Variants in SCGB1D1 observed in about 807,000 individuals in gnomAD.
The protein encoded by SCGB1D1 is lipophilin A (uteroglobin family member).
Under a neutral mutation model 8.3 loss-of-function variants are expected in SCGB1D1, and 10 were observed. The observed-to-expected ratio is 1.21, with a 90% CI of 0.74 to 2.05. The LOEUF is 2.05. Among genes scored for constraint, SCGB1D1 ranks in the 30% most tolerant of loss-of-function variants. The pLI is 0.00. For synonymous variants in SCGB1D1, 46 were observed against 41.7 expected (o/e 1.10, Z -0.39); for missense variants, 94 against 105.1 (o/e 0.89, Z 0.46).
At chr11:62,193,294 A>G (rs1437701254) in intron 2 of SCGB1D1, 105 bp from the exon 3 acceptor site, 3 of 1,078,164 alleles carry the variant, frequency 2.8e-6, no homozygotes, top group African/African-American at 3.2e-5. Flanking sequence ...CTACCCTTCA[A>G]TTGTCTTTGG....
In SCGB1D1 at chr11:62,192,241, T is replaced by C. The variant is rs1240245671; in HGVS notation, c.241T>C (p.Leu81=). 4 of 1,600,898 alleles carry C rather than the reference T, an allele frequency of 2.5e-6. No individual in the cohort carries two copies. The highest frequency in any genetic ancestry group is 2.2e-5 in the South Asian group (2 of 90,492). ...GAAAAGAGTGCTAATTACAAAAACA[T>C]TGGTAATTTCTGTCTCTTTCATGTG... ...YEKRVLITKT[L]GKIAEKCDR is the part of the protein sequence containing the mutation. Residue 81 remains leucine (L), a splice_region_variant and synonymous_variant, in exon 2 of 3, where the codon TTG becomes CTG. Coordinates refer to ENST00000306238, the MANE Select transcript of SCGB1D1 (RefSeq NM_006552.2).
In SCGB1D1 at chr11:62,190,337, G is replaced by A. The variant is rs61999260; in HGVS notation, c.53G>A (p.Arg18Gln). The A allele has an allele frequency of 2.0e-3, 3,256 of 1,614,160 alleles. 6 individuals carry two copies. The highest frequency in any genetic ancestry group is 2.5e-3 in the Non-Finnish European group (2,929 of 1,180,016). Residue 18 changes from arginine to glutamine, a missense_variant and splice_region_variant, in exon 1 of 3, where the codon CGG (arginine) becomes CAG (glutamine). Transcript: ENST00000306238. The stretch of plus-strand genomic sequence containing the variant: ...CTCACGCTGGCCCTTTGCTGCTACC[G>A]GGGTGAGTACATCAGTCATGAGTCC... ...LLLTLALCCY[R>Q]ANAVVCQALG...
chr11:62,193,090 GTC>G (rs560010774), intron 2 of SCGB1D1, among the ~76,000 whole-genome samples: 1 of 152,306 alleles, frequency 6.6e-6, no homozygotes, highest in South Asian at 2.1e-4. Flanking sequence ...TCAGCACTGG[GTC>G]TTTCATTGCG....
chr11:62,190,431 G>A, intron 1 of SCGB1D1, 92 bp downstream of exon 1: 1 of 1,513,416 alleles, frequency 6.6e-7, no homozygotes, highest in South Asian at 1.1e-5. Flanking sequence ...GTTGGGGTCT[G>A]GAACAAACCA....
intron 2 of SCGB1D1, among the ~76,000 whole-genome samples, chr11:62,192,939 G>A (rs1279570733): frequency 1.3e-5 from 2 of 152,214 alleles, no homozygotes; most frequent in Admixed American, 1.3e-4. Flanking sequence ...TTGCTGTCCT[G>A]AGGTTTAGCT....
intron 1 of SCGB1D1, among the ~76,000 whole-genome samples, chr11:62,190,554 C>T (rs542378571): frequency 6.6e-6 from 1 of 152,124 alleles, no homozygotes; most frequent in African/African-American, 2.4e-5. Context: ...TGCAGGCGAA[C>T]GTTAGGAATT....
chr11:62,193,235 C>G (rs1018954513), intron 2 of SCGB1D1, among the ~76,000 whole-genome samples, 164 bp from the exon 3 acceptor site: 1 of 152,144 alleles, frequency 6.6e-6, no homozygotes, highest in African/African-American at 2.4e-5. Context: ...CAAGGAAAGG[C>G]TGGTCTAGGT....
At chr11:62,193,170 C>G (rs1056805269) in intron 2 of SCGB1D1, among the ~76,000 whole-genome samples, 6 of 152,188 alleles carry the variant, frequency 3.9e-5, no homozygotes, top group South Asian at 2.1e-4. Context: ...CTCTGTCCCC[C>G]CTCTATGAGG....
chr11:62,193,234 G>A (rs1339342829), intron 2 of SCGB1D1, among the ~76,000 whole-genome samples, 165 bp from the exon 3 acceptor site: 1 of 152,148 alleles, frequency 6.6e-6, no homozygotes, highest in Non-Finnish European at 1.5e-5. Flanking sequence ...GCAAGGAAAG[G>A]CTGGTCTAGG....
chr11:62,191,173 C>T (rs1459352127), intron 1 of SCGB1D1, among the ~76,000 whole-genome samples: 6 of 152,160 alleles, frequency 3.9e-5, no homozygotes, highest in Non-Finnish European at 7.3e-5. Context: ...GAACCTCTCC[C>T]TGTTTCCCTG....
At position 62,193,396 on chromosome 11, in the gene SCGB1D1, C is replaced by T. The variant is rs1465787374; in HGVS notation, c.244-3C>T. On this transcript the variant is annotated splice_region_variant and splice_polypyrimidine_tract_variant and intron_variant, in intron 2 of 2. Coordinates refer to ENST00000306238, the MANE Select transcript of SCGB1D1 (RefSeq NM_006552.2). ...CCTTCCTTTCTTTCCTTTTCTATTT[C>T]AGGGAAAAATAGCAGAGAAATGTGA... is the stretch of plus-strand genomic sequence containing the variant. The T allele has an allele frequency of 1.2e-5, 20 of 1,612,052 alleles. No homozygotes were observed. Among genetic ancestry groups the T allele is most frequent in the East Asian group, 8.9e-5 (4 of 44,800 alleles).
At position 62,192,240 on chromosome 11, in the gene SCGB1D1, A is replaced by G. The variant is rs1378463924; in HGVS notation, c.240A>G (p.Thr80=). 1.9e-6 allele frequency: 3 copies of G among 1,601,416 alleles called. No homozygotes were observed. Among genetic ancestry groups the G allele is most frequent in the Non-Finnish European group, 2.6e-6 (3 of 1,170,926 alleles). Residue 80 remains threonine, a synonymous_variant, in exon 2 of 3, where the codon ACA becomes ACG. Transcript: ENST00000306238. ...AGAAAAGAGTGCTAATTACAAAAAC[A>G]TTGGTAATTTCTGTCTCTTTCATGT... ...AYEKRVLITK[T]LGKIAEKCDR
At chr11:62,191,172 C>G in intron 1 of SCGB1D1, among the ~76,000 whole-genome samples, 1 of 151,640 alleles carries the variant, frequency 6.6e-6, no homozygotes, top group Non-Finnish European at 1.5e-5. Flanking sequence ...TGAACCTCTC[C>G]CTGTTTCCCT....
Position 62,192,110 on chromosome 11 carries a change from C to G in SCGB1D1, c.110C>G (p.Ala37Gly). 6.2e-7 allele frequency: 1 copy of G among 1,613,188 alleles called. No individual in the cohort carries two copies. The change falls in exon 2 of 3, where the codon GCT becomes GGT. Residue 37 changes from alanine to glycine, a missense_variant. Transcript: ENST00000306238. The part of the protein sequence containing the change: ...LGSEITGFLL[A>G]GKPVFKFQLA... Reference sequence around the variant, plus strand: ...TCTGAAATCACAGGCTTCTTATTAGCTGGAAAACCTGTGTTCAAGTTCCAA... The same window carrying G: ...TCTGAAATCACAGGCTTCTTATTAGGTGGAAAACCTGTGTTCAAGTTCCAA...
At chr11:62,193,348 C>T (rs755231866) in intron 2 of SCGB1D1, 51 bp from the exon 3 acceptor site, 2 of 1,561,850 alleles carry the variant, frequency 1.3e-6, no homozygotes, top group South Asian at 1.1e-5. Context: ...CTGTTGTCTC[C>T]AGGAGCTGCA....
At chr11:62,192,324 T>G in intron 2 of SCGB1D1, 81 bp downstream of exon 2, 1 of 1,290,202 alleles carries the variant, frequency 7.8e-7, no homozygotes, top group Non-Finnish European at 1.1e-6. Context: ...TGCTGCTCTG[T>G]GAGGGACACA....
At chr11:62,193,362 C>T (rs955450371) in intron 2 of SCGB1D1, 37 bp from the exon 3 acceptor site, 3 of 1,605,328 alleles carry the variant, frequency 1.9e-6, no homozygotes, top group Admixed American at 1.7e-5. Flanking sequence ...AGCTGCATGA[C>T]CGACCTCACC....
chr11:62,193,315 C>A (rs977815593), intron 2 of SCGB1D1, 84 bp from the exon 3 acceptor site: 1 of 1,276,976 alleles, frequency 7.8e-7, no homozygotes, highest in Non-Finnish European at 1.1e-6. Context: ...GAGCAGAATT[C>A]CATCGGCCAC....
Position 62,193,522 on chromosome 11 carries a change from TAA to T in SCGB1D1, c.*96_*97del, listed in dbSNP as rs900569169. 2.7e-6 allele frequency: 3 copies of T among 1,112,172 alleles called. No individual in the cohort carries two copies. In the African/African-American group the frequency reaches 4.7e-5, roughly 17 times the overall value. The allele number at this position is 1,112,172 out of a possible 1,614,324, so 68.9% of individuals were successfully genotyped here. A position where few individuals can be genotyped will look rare whatever the true frequency, so the allele number is the denominator to read the frequency against. On this transcript the variant is annotated 3_prime_UTR_variant, in exon 3 of 3. Coordinates refer to ENST00000306238, the MANE Select transcript of SCGB1D1 (RefSeq NM_006552.2). ...TAAAGGTTTCAACGTCTTGCTCTAA[TAA>T]ATCACTTGCCCTGAACTTCTCCACT... is the stretch of plus-strand genomic sequence containing the variant.
Sources: gnomAD v4.1 joint callset for allele counts (sites outside exome capture counted in the v4.1 genomes callset) on GRCh38, gnomAD v4.1.1 for gene constraint, MANE v1.5 for transcripts, NCBI Gene and HGNC (gene_info 2026-07-23, HGNC 2026-07-21) for gene names.